Variants in ATP11B observed in about 807,000 individuals in gnomAD.
ATP11B encodes ATPase phospholipid transporting 11B (putative), also known as phospholipid-transporting ATPase IF.
Under a neutral mutation model 157.8 loss-of-function variants are expected in ATP11B, and 81 were observed. The observed-to-expected ratio is 0.51, with a 90% CI of 0.43 to 0.62. ATP11B has a LOEUF of 0.62. ATP11B is among the 20% of genes least tolerant of loss of function. The pLI is 0.00. For missense variants in ATP11B, 1,165 were observed against 1,402.2 expected, an observed-to-expected ratio of 0.83 and a Z score of 2.70; for synonymous variants, 451 against 469.4, an observed-to-expected ratio of 0.96 and a Z score of 0.51.
intron 27 of ATP11B, among the ~76,000 whole-genome samples, chr3:182,898,172 C>T (rs1458631913): frequency 6.6e-6 from 1 of 152,108 alleles, no homozygotes; most frequent in Non-Finnish European, 1.5e-5. Flanking sequence ...ATCTTTATAA[C>T]ACTTACTACT....
intron 2 of ATP11B, among the ~76,000 whole-genome samples, chr3:182,825,149 A>G (rs1035869469): frequency 1.3e-5 from 2 of 152,162 alleles, no homozygotes; most frequent in Non-Finnish European, 2.9e-5. Context: ...CCCTTTGCTC[A>G]TGCTGTCCTA....
At chr3:182,873,782 C>T (rs1242154775) in intron 18 of ATP11B, 30 bp from the exon 19 acceptor site, 1 of 1,557,762 alleles carries the variant, frequency 6.4e-7, no homozygotes, top group African/African-American at 1.4e-5. Context: ...AAAGTATTCT[C>T]TACTACTAAT....
rs969889753 is a variant in ATP11B, at chr3:182,919,557, A to G, written c.*1453A>G. 1 of 152,428 alleles carries G rather than the reference A, an allele frequency of 6.6e-6. No individual in the cohort carries two copies. Among genetic ancestry groups the G allele is most frequent in the Non-Finnish European group, 1.5e-5 (1 of 68,034 alleles). The allele number at this position is 152,428 out of a possible 1,614,324, so 9.4% of individuals were successfully genotyped here. ...CCAGCTCTAAGCAAATAATGATTGT[A>G]TACATATTAAGATAATGGTTAAATG... is the stretch of plus-strand genomic sequence containing the variant. On this transcript the variant is annotated 3_prime_UTR_variant, in exon 30 of 30. Transcript: ENST00000323116.
intron 8 of ATP11B, among the ~76,000 whole-genome samples, chr3:182,844,987 TTTTTTTA>T (rs1483626716): frequency 9.8e-5 from 11 of 112,664 alleles, no homozygotes; most frequent in African/African-American, 2.7e-4. Flanking sequence ...GCAGCCTTTT[TTTTTTTA>T]TTTTTTTTTT....
rs954126845 is a variant in ATP11B, at chr3:182,880,149, C to G, written c.2406+500C>G. On this transcript the variant is annotated intron_variant, in intron 20 of 29. Transcript: ENST00000323116. ...TTAAATTTCAGCTACCTATGTGATT[C>G]AAGTGAAAGCCTATATAAACATTTT... is the stretch of plus-strand genomic sequence containing the variant. Among the ~76,000 whole-genome samples, 5 of 152,172 alleles carry G rather than the reference C, an allele frequency of 3.3e-5. No homozygotes were observed. In the South Asian group the frequency reaches 1.0e-3, roughly 31 times the overall value.
intron 7 of ATP11B, 58 bp from the exon 8 acceptor site, chr3:182,842,017 A>C (rs1023102610): frequency 8.2e-7 from 1 of 1,219,850 alleles, no homozygotes; most frequent in Non-Finnish European, 1.2e-6. Context: ...GTGCAAAAAA[A>C]CAGCCATTGA....
At chr3:182,833,263 T>C (rs1490579645) in intron 4 of ATP11B, among the ~76,000 whole-genome samples, 1 of 152,088 alleles carries the variant, frequency 6.6e-6, no homozygotes, top group Non-Finnish European at 1.5e-5. Flanking sequence ...TTAAAAGAAG[T>C]CTGAATAATA....
chr3:182,816,824 AT>A (rs1439717892), intron 1 of ATP11B, among the ~76,000 whole-genome samples: 4 of 152,198 alleles, frequency 2.6e-5, no homozygotes, highest in Admixed American at 2.0e-4. Context: ...AAGCCCATTT[AT>A]GGATCCTGCT....
intron 9 of ATP11B, among the ~76,000 whole-genome samples, chr3:182,847,264 C>T (rs966231680): frequency 1.3e-5 from 2 of 152,158 alleles, no homozygotes. Context: ...GTCTCGAACT[C>T]CTGACCTCAA....
chr3:182,907,605 G>A (rs566396126), intron 28 of ATP11B, among the ~76,000 whole-genome samples: 1 of 152,294 alleles, frequency 6.6e-6, no homozygotes, highest in African/African-American at 2.4e-5. Context: ...GTTGCATTGT[G>A]CCTTGCTATA....
At chr3:182,853,949 C>A (rs1720176057) in intron 10 of ATP11B, among the ~76,000 whole-genome samples, 1 of 152,036 alleles carries the variant, frequency 6.6e-6, no homozygotes, top group East Asian at 1.9e-4. Context: ...GATGATAGTT[C>A]AATAGAATAA....
chr3:182,811,265 G>A (rs1450665640), intron 1 of ATP11B, among the ~76,000 whole-genome samples: 1 of 152,088 alleles, frequency 6.6e-6, no homozygotes, highest in Non-Finnish European at 1.5e-5. Flanking sequence ...CCTGGTAATT[G>A]CATTCCTGGA....
intron 28 of ATP11B, among the ~76,000 whole-genome samples, chr3:182,900,657 T>TA (rs1723893036): frequency 6.6e-6 from 1 of 152,148 alleles, no homozygotes; most frequent in Admixed American, 6.5e-5. Flanking sequence ...CCATTATACT[T>TA]ACTCTAGATC....
chr3:182,877,238 AG>A (rs1722107168), intron 19 of ATP11B, among the ~76,000 whole-genome samples: 1 of 152,226 alleles, frequency 6.6e-6, no homozygotes, highest in Admixed American at 6.5e-5. Flanking sequence ...AGCCTAGACC[AG>A]GGGTACCAGG....
rs1173808745 is a variant in ATP11B, at chr3:182,919,159, C to T, written c.*1055C>T. Reference sequence around the variant, plus strand: ...TCTTTCTGCAGCCGACTTAGACATGCTCTTCCCTTTCTATAAGCTAGATTT... The same window carrying T: ...TCTTTCTGCAGCCGACTTAGACATGTTCTTCCCTTTCTATAAGCTAGATTT... On this transcript the variant is annotated 3_prime_UTR_variant, in exon 30 of 30. Coordinates refer to ENST00000323116, the MANE Select transcript of ATP11B (RefSeq NM_014616.3). The T allele has an allele frequency of 6.6e-6, 1 of 152,518 alleles. No individual in the cohort carries two copies. The highest frequency in any genetic ancestry group is 2.4e-5 in the African/African-American group (1 of 41,434). 9.4% of individuals were successfully genotyped at this position (152,518 alleles called of 1,614,324 possible).
intron 25 of ATP11B, among the ~76,000 whole-genome samples, chr3:182,890,252 T>TG (rs1243693606): frequency 3.3e-5 from 5 of 152,154 alleles, no homozygotes; most frequent in Non-Finnish European, 7.4e-5. Context: ...ATGACAGCAG[T>TG]GGTAGGGACT....
chr3:182,833,385 G>A (rs1458764619), intron 4 of ATP11B, among the ~76,000 whole-genome samples: 1 of 152,152 alleles, frequency 6.6e-6, no homozygotes, highest in Non-Finnish European at 1.5e-5. Context: ...GAGAGCAGTA[G>A]TGCAATCAGA....
At chr3:182,794,858 A>G (rs1394661470) in intron 1 of ATP11B, among the ~76,000 whole-genome samples, 1 of 152,200 alleles carries the variant, frequency 6.6e-6, no homozygotes, top group African/African-American at 2.4e-5. Context: ...GTTTTCATTT[A>G]CTAATTCTAA....
chr3:182,891,553 C>T lies in ATP11B; in HGVS notation c.2982+2005C>T, dbSNP rs143465257. Among the ~76,000 whole-genome samples the T allele has an allele frequency of 2.7e-3, 415 of 152,010 alleles. 5 individuals are homozygous for T. Among genetic ancestry groups the T allele is most frequent in the African/African-American group, 9.6e-3 (396 of 41,438 alleles). On this transcript the variant is annotated intron_variant, in intron 25 of 29. Transcript: ENST00000323116. ...GCTTCAAGAACATTTTTCATGATTA[C>T]GTAATACTCTATTACATTGTCATAA... is the stretch of plus-strand genomic sequence containing the variant.
Sources: gnomAD v4.1 joint callset for allele counts (sites outside exome capture counted in the v4.1 genomes callset) on GRCh38, gnomAD v4.1.1 for gene constraint, MANE v1.5 for transcripts, NCBI Gene and HGNC (gene_info 2026-07-23, HGNC 2026-07-21) for gene names.